The following FHL5 variants were observed in gnomAD, a reference collection of about 807,000 sequenced individuals.
The protein encoded by FHL5 is four and a half LIM domains protein 5.
Under a neutral mutation model 32.0 loss-of-function variants are expected in FHL5, and 33 were observed. That is an observed-to-expected ratio of 1.03 (90% CI 0.78 to 1.38). FHL5 has a LOEUF of 1.38. Among genes scored for constraint, FHL5 ranks in the 40% most tolerant of loss-of-function variants. The probability of loss-of-function intolerance (pLI) is 0.00; values close to 1 mark genes in which losing one functional copy is unlikely to be tolerated. For synonymous variants in FHL5, 114 were observed against 113.6 expected, an observed-to-expected ratio of 1.00 and a Z score of -0.02; for missense variants, 336 against 343.9, an observed-to-expected ratio of 0.98 and a Z score of 0.18.
chr6:96,581,311 T>C (rs913646070), intron 1 of FHL5, among the ~76,000 whole-genome samples: 2 of 152,236 alleles, frequency 1.3e-5, no homozygotes, highest in Non-Finnish European at 2.9e-5. Flanking sequence ...AATAGCCATC[T>C]TGGCTTCATA....
chr6:96,591,284 G>T (rs182677013), intron 1 of FHL5, among the ~76,000 whole-genome samples: 1 of 152,034 alleles, frequency 6.6e-6, no homozygotes, highest in Admixed American at 6.6e-5. Context: ...TTCTTCTTGT[G>T]TCAATTTTAA....
At chr6:96,596,199 A>G (rs1771030088) in intron 1 of FHL5, among the ~76,000 whole-genome samples, 1 of 152,076 alleles carries the variant, frequency 6.6e-6, no homozygotes, top group Admixed American at 6.6e-5. Flanking sequence ...CTCAGGACAA[A>G]TGGCTCCTTT....
At chr6:96,581,407 T>C (rs1266834078) in intron 1 of FHL5, among the ~76,000 whole-genome samples, 1 of 152,190 alleles carries the variant, frequency 6.6e-6, no homozygotes, top group East Asian at 1.9e-4. Flanking sequence ...GTTTTTTCTT[T>C]CTGATAAAAC....
rs149660592 is a variant in FHL5 at position 96,590,527 on chromosome 6, G to T, written c.-12-13075G>T. Among the ~76,000 whole-genome samples, 456 of 151,684 alleles carry T rather than the reference G, an allele frequency of 3.0e-3. 1 individual carries two copies. The highest frequency in any genetic ancestry group is 0.01 in the African/African-American group (432 of 41,378). ...TAATCAGGTATTATAGAATTTTTTT[G>T]ATTTTCTCCACAATTAGAACATCAG... On this transcript the variant is annotated intron_variant, in intron 1 of 5. Transcript: ENST00000450218.
chr6:96,606,102 A>T (rs781375942), intron 4 of FHL5, 31 bp downstream of exon 4: 2 of 1,576,258 alleles, frequency 1.3e-6, no homozygotes, highest in East Asian at 4.5e-5. Context: ...AAGCTTGTGG[A>T]AACTCAGACT....
Position 96,617,324 on chromosome 6 carries a change from T to C in FHL5, c.*1552T>C, listed in dbSNP as rs1349889431. On this transcript the variant is annotated 3_prime_UTR_variant, in exon 6 of 6. Coordinates refer to ENST00000450218, the MANE Select transcript of FHL5 (RefSeq NM_001322466.2). ...ATTAAAGGTTTTGATTAAAATCTAATTGTAAGATACTGCTGATTACAATTA... is the reference window on the plus strand; with the variant it reads ...ATTAAAGGTTTTGATTAAAATCTAACTGTAAGATACTGCTGATTACAATTA... Among the ~76,000 whole-genome samples the C allele has an allele frequency of 6.6e-6, 1 of 152,224 alleles. No individual in the cohort carries two copies.
At chr6:96,566,104 A>G (rs1247917640) in intron 1 of FHL5, among the ~76,000 whole-genome samples, 2 of 151,936 alleles carry the variant, frequency 1.3e-5, no homozygotes, top group African/African-American at 4.8e-5. Context: ...TATTCCTCCT[A>G]TCTAGCTGTA....
chr6:96,606,966 G>A (rs898719138), intron 4 of FHL5, among the ~76,000 whole-genome samples: 3 of 152,114 alleles, frequency 2.0e-5, no homozygotes, highest in African/African-American at 7.2e-5. Flanking sequence ...AGAAGACTAA[G>A]AGCAGCAAGT....
chr6:96,577,385 C>T (rs1582460363), intron 1 of FHL5, among the ~76,000 whole-genome samples: 1 of 152,126 alleles, frequency 6.6e-6, no homozygotes, highest in East Asian at 1.9e-4. Context: ...AACACACATA[C>T]ACACAGTACA....
At chr6:96,568,235 A>G (rs1356858702) in intron 1 of FHL5, among the ~76,000 whole-genome samples, 1 of 151,826 alleles carries the variant, frequency 6.6e-6, no homozygotes, top group East Asian at 1.9e-4. Flanking sequence ...TGAGATGATC[A>G]AATTGTTTTT....
At position 96,616,439 on chromosome 6, in the gene FHL5, A is replaced by C. The variant is rs539410858; in HGVS notation, c.*667A>C. On this transcript the variant is annotated 3_prime_UTR_variant, in exon 6 of 6. Transcript: ENST00000450218. ...TCTCATAATCTGCATAGGTATAAAG[A>C]GGATCATTTCTACCTAGGGATAGCC... is the stretch of plus-strand genomic sequence containing the variant. 6.6e-5 allele frequency: 10 copies of C among 152,332 alleles called. No homozygotes were observed. The highest frequency in any genetic ancestry group is 5.9e-4 in the Admixed American group (9 of 15,298). The allele number at this position is 152,332 out of a possible 1,614,324, so 9.4% of individuals were successfully genotyped here.
intron 2 of FHL5, among the ~76,000 whole-genome samples, chr6:96,604,091 T>C (rs1771216090): frequency 2.0e-5 from 3 of 152,186 alleles, no homozygotes; most frequent in African/African-American, 4.8e-5. Flanking sequence ...GGTGTGTTTG[T>C]TATTTCTGGA....
intron 1 of FHL5, among the ~76,000 whole-genome samples, chr6:96,568,512 T>G (rs1213836263): frequency 6.6e-6 from 1 of 151,954 alleles, no homozygotes; most frequent in Non-Finnish European, 1.5e-5. Context: ...TATCTTCAAT[T>G]TCTGGAAGAA....
chr6:96,614,027 A>G lies in FHL5; in HGVS notation c.692-1582A>G, dbSNP rs558663801. ...TTCATGAATGGCTTTCTTACTGCAA[A>G]CAACCCTCATGACCTAAGGGAGTAA... On this transcript the variant is annotated intron_variant, in intron 5 of 5. Coordinates refer to ENST00000450218, the MANE Select transcript of FHL5 (RefSeq NM_001322466.2). 3.3e-5 allele frequency among the ~76,000 whole-genome samples: 5 copies of G among 152,336 alleles called. No homozygotes were observed. In the East Asian group the frequency reaches 9.6e-4, roughly 29 times the overall value.
At chr6:96,594,224 AATTTATATATATAT>A (rs1487547849) in intron 1 of FHL5, among the ~76,000 whole-genome samples, 2 of 102,716 alleles carry the variant, frequency 1.9e-5, no homozygotes, top group Admixed American at 1.1e-4. Context: ...TAAATATTAG[AATTTATATATATAT>A]ATATATATAT....
chr6:96,596,948 A>G (rs1043705300), intron 1 of FHL5, among the ~76,000 whole-genome samples: 18 of 152,086 alleles, frequency 1.2e-4, no homozygotes, highest in Non-Finnish European at 2.6e-4. Context: ...TCTCTCCCAG[A>G]TGCATTCACT....
intron 1 of FHL5, among the ~76,000 whole-genome samples, chr6:96,579,028 G>A (rs1356540608): frequency 2.0e-5 from 3 of 152,044 alleles, no homozygotes; most frequent in African/African-American, 7.2e-5. Flanking sequence ...GTAAAATGAG[G>A]ACTTGAAACT....
intron 1 of FHL5, among the ~76,000 whole-genome samples, chr6:96,576,330 A>G (rs182377216): frequency 6.6e-6 from 1 of 152,208 alleles, no homozygotes; most frequent in Non-Finnish European, 1.5e-5. Context: ...CTGCTGGCAA[A>G]CATAGTATCT....
chr6:96,611,367 G>C (rs1771404438), intron 5 of FHL5, among the ~76,000 whole-genome samples: 1 of 149,544 alleles, frequency 6.7e-6, no homozygotes, highest in Non-Finnish European at 1.5e-5. Flanking sequence ...GCATTTTACT[G>C]AAAAAAAAAT....
Sources: allele counts gnomAD v4.1 joint callset (sites outside exome capture counted in the v4.1 genomes callset), GRCh38; gene constraint gnomAD v4.1.1; transcripts MANE v1.5; gene names NCBI Gene and HGNC (gene_info 2026-07-23, HGNC 2026-07-21).